The following QDPR variants were observed in gnomAD, a reference collection of about 807,000 sequenced individuals.
The protein encoded by QDPR is quinoid dihydropteridine reductase.
Under a neutral mutation model 31.7 loss-of-function variants are expected in QDPR, and 23 were observed. The observed-to-expected ratio is 0.73, with a 90% CI of 0.52 to 1.03. QDPR has a LOEUF of 1.03. Among genes scored for constraint, QDPR ranks in the 50% least tolerant of loss-of-function variants. The pLI, the probability that QDPR is intolerant of heterozygous loss-of-function variation, is 0.00. For missense variants in QDPR, 324 were observed against 323.8 expected, an observed-to-expected ratio of 1.00 and a Z score of 0.00; for synonymous variants, 124 against 124.7, an observed-to-expected ratio of 0.99 and a Z score of 0.03.
intron 4 of QDPR, among the ~76,000 whole-genome samples, chr4:17,497,939 A>C (rs1718425265): frequency 6.6e-6 from 1 of 152,182 alleles, no homozygotes; most frequent in Non-Finnish European, 1.5e-5. Flanking sequence ...TGACAGAAGC[A>C]AGGGATGTCT....
intron 4 of QDPR, among the ~76,000 whole-genome samples, chr4:17,497,185 G>A (rs10008333): frequency 0.037 from 5,626 of 152,248 alleles, 366 homozygotes; most frequent in African/African-American, 0.13. Context: ...GAGATCAGCG[G>A]TGTGAGTAGG....
intron 1 of QDPR, among the ~76,000 whole-genome samples, chr4:17,511,165 C>A (rs1410055563): frequency 2.0e-5 from 3 of 152,110 alleles, no homozygotes; most frequent in African/African-American, 7.2e-5. Context: ...TAACTAAGCT[C>A]CCAGAACGCT....
At chr4:17,511,277 C>G (rs1017560948) in intron 1 of QDPR, among the ~76,000 whole-genome samples, 2 of 152,106 alleles carry the variant, frequency 1.3e-5, no homozygotes, top group African/African-American at 4.8e-5. Context: ...TTGCCGCCTC[C>G]TGGAAATTGA....
intron 6 of QDPR, chr4:17,490,414 T>TG (rs891289076): frequency 1.2e-4 from 56 of 481,020 alleles, no homozygotes; most frequent in African/African-American, 7.4e-4. Flanking sequence ...GTGCTCAGCA[T>TG]GGCCGGTGGT....
chr4:17,507,414 G>A (rs191349558), intron 2 of QDPR, among the ~76,000 whole-genome samples: 14 of 152,190 alleles, frequency 9.2e-5, no homozygotes, highest in Non-Finnish European at 1.8e-4. Context: ...AGTCAGCTGC[G>A]CACAGTGGCT....
chr4:17,495,794 A>G (rs1389698997), intron 4 of QDPR, among the ~76,000 whole-genome samples: 2 of 152,052 alleles, frequency 1.3e-5, no homozygotes, highest in Non-Finnish European at 2.9e-5. Flanking sequence ...GGATCTCTTG[A>G]GCCCAGGAGT....
At chr4:17,505,285 C>G (rs1718745521) in intron 2 of QDPR, among the ~76,000 whole-genome samples, 2 of 118,932 alleles carry the variant, frequency 1.7e-5, no homozygotes, top group South Asian at 5.4e-4. Flanking sequence ...TTTCGCTTGT[C>G]TCCCAGGCTG....
intron 3 of QDPR, among the ~76,000 whole-genome samples, chr4:17,502,299 A>G (rs748989874): frequency 6.6e-5 from 10 of 152,212 alleles, no homozygotes; most frequent in Non-Finnish European, 1.3e-4. Context: ...TTTATGTCTG[A>G]AAGTTTAATG....
chr4:17,497,512 T>TATTATCTCTATATAATTATATA (rs1553874763), intron 4 of QDPR, among the ~76,000 whole-genome samples: 2 of 80,956 alleles, frequency 2.5e-5, no homozygotes, highest in African/African-American at 7.6e-5. Context: ...AATATAATTA[T>TATTATCTCTATATAATTATATA]ATTATCTCTA....
At chr4:17,509,413 T>C (rs1433723887) in intron 1 of QDPR, 50 bp from the exon 2 acceptor site, 3 of 1,512,682 alleles carry the variant, frequency 2.0e-6, no homozygotes, top group African/African-American at 2.8e-5. Flanking sequence ...TGTTATTCCA[T>C]GAAAGAGTCA....
intron 2 of QDPR, among the ~76,000 whole-genome samples, chr4:17,508,212 G>T (rs1718856761): frequency 6.6e-6 from 1 of 152,150 alleles, no homozygotes; most frequent in Non-Finnish European, 1.5e-5. Context: ...CAAGGTGGGT[G>T]GATAACTTGA....
chr4:17,511,665 C>T (rs1310103688), intron 1 of QDPR, among the ~76,000 whole-genome samples: 1 of 152,200 alleles, frequency 6.6e-6, no homozygotes, highest in Non-Finnish European at 1.5e-5. Flanking sequence ...TGCTCCCGTT[C>T]CTCCCCTTTG....
At chr4:17,502,308 T>A (rs1290942270) in intron 3 of QDPR, among the ~76,000 whole-genome samples, 2 of 152,214 alleles carry the variant, frequency 1.3e-5, no homozygotes, top group African/African-American at 4.8e-5. Flanking sequence ...GAAAGTTTAA[T>A]GTTAGCTTTA....
At chr4:17,508,956 A>T (rs532567375) in intron 2 of QDPR, among the ~76,000 whole-genome samples, 1 of 152,300 alleles carries the variant, frequency 6.6e-6, no homozygotes, top group Admixed American at 6.5e-5. Flanking sequence ...CAGGAGTTCA[A>T]GATCAGCCTG....
chr4:17,507,369 A>G (rs1333386307), intron 2 of QDPR, among the ~76,000 whole-genome samples: 6 of 152,180 alleles, frequency 3.9e-5, no homozygotes, highest in African/African-American at 1.4e-4. Context: ...ATCCTTGGGA[A>G]TGTGGGCTAC....
chr4:17,493,879 A>C (rs1718259285), intron 4 of QDPR, among the ~76,000 whole-genome samples: 1 of 152,194 alleles, frequency 6.6e-6, no homozygotes, highest in Admixed American at 6.5e-5. Context: ...TAGGGGCCCC[A>C]ACCTACTAAT....
intron 2 of QDPR, 22 bp downstream of exon 2, chr4:17,509,249 T>C: frequency 6.3e-7 from 1 of 1,591,852 alleles, no homozygotes; most frequent in Non-Finnish European, 8.6e-7. Flanking sequence ...CTCACAATGT[T>C]TGGGGGCCTT....
intron 2 of QDPR, among the ~76,000 whole-genome samples, chr4:17,507,228 C>CCACCA (rs1372778203): frequency 6.6e-6 from 1 of 152,188 alleles, no homozygotes; most frequent in East Asian, 1.9e-4. Flanking sequence ...GATCCTGACT[C>CCACCA]CACCACTGAG....
chr4:17,502,351 C>A (rs530403347), intron 3 of QDPR, among the ~76,000 whole-genome samples: 1 of 152,184 alleles, frequency 6.6e-6, no homozygotes, highest in African/African-American at 2.4e-5. Context: ...AAATAACAAC[C>A]ATTTTACACT....
Sources: allele counts gnomAD v4.1 joint callset (sites outside exome capture counted in the v4.1 genomes callset), GRCh38; gene constraint gnomAD v4.1.1; transcripts MANE v1.5; gene names NCBI Gene and HGNC (gene_info 2026-07-23, HGNC 2026-07-21).